PACRG: variants seen among roughly 807,000 people sequenced by gnomAD.
The protein encoded by PACRG is parkin coregulated, also known as parkin coregulated gene protein.
PACRG carries 29 observed loss-of-function variants against 29.7 expected under a neutral mutation model. That is an observed-to-expected ratio of 0.98 (90% confidence interval 0.73 to 1.33). PACRG has a LOEUF of 1.33. Ranked by LOEUF, PACRG falls within the 40% of genes most tolerant of loss-of-function variation. The probability of loss-of-function intolerance (pLI) is 0.00; values close to 1 mark genes in which losing one functional copy is unlikely to be tolerated. For missense variants in PACRG, 279 were observed against 316.2 expected (o/e 0.88, Z 0.89); for synonymous variants, 116 against 118.7 (o/e 0.98, Z 0.15).
intron 2 of PACRG, among the ~76,000 whole-genome samples, chr6:163,011,841 GAC>G (rs2128211482): frequency 6.6e-6 from 1 of 151,958 alleles, no homozygotes; most frequent in East Asian, 1.9e-4. Context: ...TAAAAACAAA[GAC>G]ACAAACATAC....
intron 2 of PACRG, among the ~76,000 whole-genome samples, chr6:163,035,273 G>A (rs9365531): frequency 0.1 from 15,615 of 152,148 alleles, 1,048 homozygotes; most frequent in East Asian, 0.25. Flanking sequence ...AGCACTTTGG[G>A]CGGCTGTGGC....
chr6:163,249,151 T>G (rs1782808872), intron 4 of PACRG, among the ~76,000 whole-genome samples: 1 of 152,140 alleles, frequency 6.6e-6, no homozygotes, highest in African/African-American at 2.4e-5. Context: ...CATGTTTTGA[T>G]CATGTCTAGT....
chr6:162,987,247 G>A (rs925453809), intron 2 of PACRG, among the ~76,000 whole-genome samples: 4 of 152,082 alleles, frequency 2.6e-5, no homozygotes, highest in Non-Finnish European at 4.4e-5. Flanking sequence ...CCCTAAGGTT[G>A]AGGCTTTCTG....
At position 162,819,977 on chromosome 6, in the gene PACRG, C is replaced by T. The variant is rs979067838; in HGVS notation, c.291+5696C>T. Among the ~76,000 whole-genome samples, 13 of 152,214 alleles carry T rather than the reference C, an allele frequency of 8.5e-5. No individual in the cohort carries two copies. In the East Asian group the frequency reaches 1.2e-3, roughly 14 times the overall value. On this transcript the variant is annotated intron_variant, in intron 2 of 4. Coordinates refer to ENST00000366888, the MANE Select transcript of PACRG (RefSeq NM_001080379.2). Reference sequence around the variant, plus strand: ...GCACATTTAATTTGAATCCATAGCACTTTAGGTTCCAGAATGATATGCAAC... The same window carrying T: ...GCACATTTAATTTGAATCCATAGCATTTTAGGTTCCAGAATGATATGCAAC...
chr6:163,058,667 C>T (rs1213346959), intron 2 of PACRG, among the ~76,000 whole-genome samples: 9 of 152,074 alleles, frequency 5.9e-5, no homozygotes, highest in Non-Finnish European at 8.8e-5. Flanking sequence ...GAGGCCAAGG[C>T]GAGCGGATCA....
chr6:162,859,813 A>C (rs1791706088), intron 2 of PACRG, among the ~76,000 whole-genome samples: 1 of 152,136 alleles, frequency 6.6e-6, no homozygotes, highest in Admixed American at 6.5e-5. Context: ...CCTGGAACCT[A>C]TGCAAAAAAA....
chr6:163,009,527 G>T (rs949846583), intron 2 of PACRG, among the ~76,000 whole-genome samples: 1 of 152,196 alleles, frequency 6.6e-6, no homozygotes, highest in Non-Finnish European at 1.5e-5. Flanking sequence ...AAATCACTTA[G>T]ATCTTCCCAT....
intron 2 of PACRG, among the ~76,000 whole-genome samples, chr6:162,958,742 G>GTC (rs1192114946): frequency 3.4e-4 from 51 of 149,628 alleles, no homozygotes; most frequent in Non-Finnish European, 5.3e-4. Context: ...ATGCGTGTGT[G>GTC]TGTGTGTGTG....
At chr6:162,832,485 T>C (rs1015189542) in intron 2 of PACRG, among the ~76,000 whole-genome samples, 1 of 152,210 alleles carries the variant, frequency 6.6e-6, no homozygotes, top group Non-Finnish European at 1.5e-5. Flanking sequence ...AATTGAGTGA[T>C]ATTAAATAAA....
intron 2 of PACRG, among the ~76,000 whole-genome samples, chr6:162,817,203 G>T (rs894651240): frequency 1.3e-5 from 2 of 152,206 alleles, no homozygotes; most frequent in African/African-American, 4.8e-5. Context: ...GTGCTGGTCT[G>T]GGGATCCCTC....
At chr6:162,979,766 T>G (rs1802252321) in intron 2 of PACRG, among the ~76,000 whole-genome samples, 1 of 152,182 alleles carries the variant, frequency 6.6e-6, no homozygotes, top group Non-Finnish European at 1.5e-5. Context: ...TTGACTTATT[T>G]TCCTGTCAGA....
At chr6:162,832,188 A>G (rs566285291) in intron 2 of PACRG, among the ~76,000 whole-genome samples, 12 of 152,266 alleles carry the variant, frequency 7.9e-5, no homozygotes, top group African/African-American at 2.4e-4. Flanking sequence ...TGACTTTTCA[A>G]TACTCGTCAT....
At chr6:162,998,966 C>T (rs1804332587) in intron 2 of PACRG, among the ~76,000 whole-genome samples, 1 of 152,188 alleles carries the variant, frequency 6.6e-6, no homozygotes, top group Admixed American at 6.5e-5. Flanking sequence ...TGGCTGCCAA[C>T]TGTACTTTGT....
intron 4 of PACRG, among the ~76,000 whole-genome samples, chr6:163,240,177 G>C (rs901457216): frequency 6.6e-6 from 1 of 152,096 alleles, no homozygotes; most frequent in Non-Finnish European, 1.5e-5. Context: ...GGCCGCACCT[G>C]TGCCTCCGCC....
intron 2 of PACRG, among the ~76,000 whole-genome samples, chr6:162,972,162 C>T (rs1801587892): frequency 6.6e-6 from 1 of 152,126 alleles, no homozygotes; most frequent in Non-Finnish European, 1.5e-5. Context: ...TCTTCAAGAC[C>T]TGGCTTCCCT....
intron 4 of PACRG, among the ~76,000 whole-genome samples, chr6:163,267,019 G>A (rs1267564525): frequency 2.0e-5 from 3 of 152,296 alleles, no homozygotes; most frequent in South Asian, 4.1e-4. Flanking sequence ...AGGGCCAGGG[G>A]CATGAAAGCA....
rs141349332 is a variant in PACRG at position 162,822,475 on chromosome 6, G to A, written c.291+8194G>A. Among the ~76,000 whole-genome samples, 199 of 152,296 alleles carry A rather than the reference G, an allele frequency of 1.3e-3. 3 individuals are homozygous for A. The highest frequency in any genetic ancestry group is 4.5e-3 in the African/African-American group (188 of 41,556). On this transcript the variant is annotated intron_variant, in intron 2 of 4. Coordinates refer to ENST00000366888, the MANE Select transcript of PACRG (RefSeq NM_001080379.2). ...TGGGAAAAGTATAGAAATGGACAGA[G>A]TTGACAGAATCATTTTAAAGCCAAC...
intron 4 of PACRG, among the ~76,000 whole-genome samples, chr6:163,110,025 T>C (rs1399258797): frequency 1.3e-5 from 2 of 152,110 alleles, no homozygotes; most frequent in South Asian, 4.1e-4. Context: ...CACTGAGATT[T>C]CTAGTGTGGA....
chr6:162,947,648 A>AAT (rs1799341607), intron 2 of PACRG, among the ~76,000 whole-genome samples: 3 of 51,428 alleles, frequency 5.8e-5, no homozygotes, highest in South Asian at 6.8e-4. Context: ...ATATATATAT[A>AAT]CACCCAAAGA....
Sources: gnomAD v4.1 joint callset for allele counts (sites outside exome capture counted in the v4.1 genomes callset) on GRCh38, gnomAD v4.1.1 for gene constraint, MANE v1.5 for transcripts, NCBI Gene and HGNC (gene_info 2026-07-23, HGNC 2026-07-21) for gene names.